PEAK1: variants seen among roughly 807,000 people sequenced by gnomAD.
The protein encoded by PEAK1 is inactive tyrosine-protein kinase PEAK1.
In PEAK1, 54 loss-of-function variants were observed where a neutral mutation model predicts 124.7. That is an observed-to-expected ratio of 0.43 (90% CI 0.35 to 0.54). The LOEUF (loss-of-function observed/expected upper bound fraction) is 0.54. Ranked by LOEUF, PEAK1 falls within the 20% of genes least tolerant of loss-of-function variation. The pLI is 0.01. For missense variants in PEAK1, 2,046 were observed against 2,134.5 expected (o/e 0.96, Z 0.82); for synonymous variants, 719 against 760.0 (o/e 0.95, Z 0.89).
At chr15:77,279,111 G>GCA (rs2062519652) in intron 5 of PEAK1, among the ~76,000 whole-genome samples, 1 of 140,142 alleles carries the variant, frequency 7.1e-6, no homozygotes, top group Non-Finnish European at 1.5e-5. Context: ...GTGCGTGTGT[G>GCA]TGTGTGTGTG....
chr15:77,347,863 C>T (rs2066963449), intron 2 of PEAK1: 1 of 984,158 alleles, frequency 1.0e-6, no homozygotes, highest in African/African-American at 1.7e-5. Flanking sequence ...TTAAACAATG[C>T]TACATTTAAA....
chr15:77,196,386 C>T (rs1331622348), intron 6 of PEAK1, among the ~76,000 whole-genome samples: 1 of 152,154 alleles, frequency 6.6e-6, no homozygotes. Flanking sequence ...TCTTAGAAGT[C>T]ATTAGTTTTC....
Position 77,179,269 on chromosome 15 carries a change from C to T in PEAK1, c.2658G>A (p.Leu886=). 1 of 1,614,026 alleles carries T rather than the reference C, an allele frequency of 6.2e-7. No homozygotes were observed. Among genetic ancestry groups the T allele is most frequent in the African/African-American group, 1.3e-5 (1 of 74,972 alleles). ...TGGTCCAGTTGGTGAAATGCCTCTG[C>T]AAAAGGTTACCTGCATGGTAAGGAG... is the stretch of plus-strand genomic sequence containing the variant. ...TSSPYHAGNL[L]QRHFTNWTKP... Residue 886 remains leucine, a synonymous_variant, in exon 7 of 10, where the codon TTG becomes TTA. Coordinates refer to ENST00000682557, the MANE Select transcript of PEAK1 (RefSeq NM_001385026.1).
At chr15:77,220,735 C>A (rs1012635123) in intron 6 of PEAK1, among the ~76,000 whole-genome samples, 1 of 151,916 alleles carries the variant, frequency 6.6e-6, no homozygotes, top group African/African-American at 2.4e-5. Flanking sequence ...AATCTATATG[C>A]ACGAATAAGT....
At chr15:77,310,468 G>A (rs996759058) in intron 2 of PEAK1, among the ~76,000 whole-genome samples, 3 of 152,146 alleles carry the variant, frequency 2.0e-5, no homozygotes, top group African/African-American at 7.2e-5. Flanking sequence ...GGCTTGGGCT[G>A]TAAAAAAGGT....
At chr15:77,326,561 A>G (rs907077836) in intron 2 of PEAK1, among the ~76,000 whole-genome samples, 4 of 152,116 alleles carry the variant, frequency 2.6e-5, no homozygotes, top group Non-Finnish European at 5.9e-5. Flanking sequence ...TGATGACAGC[A>G]TTTTCTGGAT....
In PEAK1 at chr15:77,114,464, G is replaced by A; in HGVS notation, c.4933C>T (p.Leu1645Phe). The change falls in exon 10 of 10, where the codon CTC becomes TTC. Residue 1645 changes from leucine (L) to phenylalanine (F), a missense_variant. Coordinates refer to ENST00000682557, the MANE Select transcript of PEAK1 (RefSeq NM_001385026.1). ...CGCTCAGAAGGGTTGGGATTCAGGA[G>A]GCAGCTGGCCAGCTGCTGCAGACCC... ...SRGLQQLASC[L>F]LNPNPSERIL... 1 of 1,614,076 alleles carries A rather than the reference G, an allele frequency of 6.2e-7. No individual in the cohort carries two copies. Among genetic ancestry groups the A allele is most frequent in the Non-Finnish European group, 8.5e-7 (1 of 1,179,988 alleles).
intron 2 of PEAK1, among the ~76,000 whole-genome samples, chr15:77,303,310 GT>G (rs2063889579): frequency 6.6e-6 from 1 of 152,156 alleles, no homozygotes. Context: ...GTATGATCAT[GT>G]TTAGTTTTAT....
intron 6 of PEAK1, among the ~76,000 whole-genome samples, chr15:77,189,476 T>A (rs977747809): frequency 5.9e-5 from 9 of 152,144 alleles, no homozygotes; most frequent in African/African-American, 2.2e-4. Context: ...TCCACCATAG[T>A]GGAATTCCAC....
intron 6 of PEAK1, among the ~76,000 whole-genome samples, chr15:77,201,439 C>T (rs999062263): frequency 7.9e-5 from 12 of 151,822 alleles, no homozygotes; most frequent in African/African-American, 2.4e-4. Flanking sequence ...GGGGTTTCAT[C>T]GTGTTAGCCA....
chr15:77,401,986 G>A (rs910838284), intron 1 of PEAK1: 19 of 857,252 alleles, frequency 2.2e-5, no homozygotes, highest in Non-Finnish European at 2.7e-5. Context: ...ATCACCTGAG[G>A]TAAGGAGTTC....
chr15:77,375,536 T>A (rs557621418), intron 1 of PEAK1, among the ~76,000 whole-genome samples: 1 of 152,302 alleles, frequency 6.6e-6, no homozygotes, highest in South Asian at 2.1e-4. Context: ...ATTTAGTAAT[T>A]ACACTTCTGA....
At chr15:77,238,918 T>C (rs763721034) in intron 6 of PEAK1, among the ~76,000 whole-genome samples, 3 of 152,216 alleles carry the variant, frequency 2.0e-5, no homozygotes, top group Non-Finnish European at 2.9e-5. Flanking sequence ...TTTGCAGTAT[T>C]CCAGTCCTAC....
chr15:77,243,180 T>G (rs1408816196), intron 6 of PEAK1, among the ~76,000 whole-genome samples: 3 of 152,214 alleles, frequency 2.0e-5, no homozygotes, highest in Admixed American at 2.0e-4. Flanking sequence ...TGGCAGCCAG[T>G]GTATTGCTAG....
intron 6 of PEAK1, among the ~76,000 whole-genome samples, chr15:77,228,261 T>A (rs1031913929): frequency 6.6e-6 from 1 of 152,176 alleles, no homozygotes; most frequent in South Asian, 2.1e-4. Flanking sequence ...AGTTGCATTA[T>A]AATACCACGA....
intron 6 of PEAK1, among the ~76,000 whole-genome samples, chr15:77,200,113 T>G (rs755616176): frequency 4.6e-5 from 7 of 152,216 alleles, no homozygotes; most frequent in Non-Finnish European, 1.0e-4. Context: ...ACCCTTGAGA[T>G]AGCAAAACCA....
intron 2 of PEAK1, among the ~76,000 whole-genome samples, chr15:77,298,197 ATTTTTTTTTTTTTTTTTT>A (rs749000554): frequency 1.5e-3 from 56 of 37,818 alleles, no homozygotes; most frequent in African/African-American, 3.8e-3. Flanking sequence ...GGTATCCTTA[ATTTTTTTTTTTTTTTTTT>A]TTTTTTTTTT....
chr15:77,410,490 C>T (rs1232196892), intron 1 of PEAK1, among the ~76,000 whole-genome samples: 2 of 152,184 alleles, frequency 1.3e-5, no homozygotes, highest in Non-Finnish European at 1.5e-5. Flanking sequence ...TGTTACCTTA[C>T]AGATTTATTT....
chr15:77,342,079 C>A (rs1043343721), intron 2 of PEAK1, among the ~76,000 whole-genome samples: 7 of 151,320 alleles, frequency 4.6e-5, no homozygotes, highest in Admixed American at 1.3e-4. Flanking sequence ...ATCTCCTTAG[C>A]CCAGCAGTAT....
Sources: gnomAD v4.1 joint callset for allele counts (sites outside exome capture counted in the v4.1 genomes callset) on GRCh38, gnomAD v4.1.1 for gene constraint, MANE v1.5 for transcripts, NCBI Gene and HGNC (gene_info 2026-07-23, HGNC 2026-07-21) for gene names.